The following ALS2 variants were observed in gnomAD, a reference collection of about 807,000 sequenced individuals.
ALS2 encodes the protein alsin.
In ALS2, 117 loss-of-function variants were observed where a neutral mutation model predicts 203.4. The observed-to-expected ratio is 0.58, with a 90% CI of 0.50 to 0.67. The LOEUF (loss-of-function observed/expected upper bound fraction) is 0.67, where lower values mean the gene tolerates loss of function less well. Ranked by LOEUF, ALS2 falls within the 30% of genes least tolerant of loss-of-function variation. ALS2 has a pLI of 0.00. For synonymous variants in ALS2, 718 were observed against 725.9 expected, an observed-to-expected ratio of 0.99 and a Z score of 0.17; for missense variants, 1,715 against 1,989.4, an observed-to-expected ratio of 0.86 and a Z score of 2.62.
intron 3 of ALS2, among the ~76,000 whole-genome samples, chr2:201,764,634 A>AAT (rs1455359706): frequency 1.6e-3 from 229 of 142,250 alleles, no homozygotes; most frequent in Non-Finnish European, 2.8e-3. Flanking sequence ...ACTCCGTCTC[A>AAT]AAATAAATAA....
At chr2:201,747,430 G>C (rs1410663343) in intron 8 of ALS2, among the ~76,000 whole-genome samples, 1 of 151,392 alleles carries the variant, frequency 6.6e-6, no homozygotes, top group Non-Finnish European at 1.5e-5. Flanking sequence ...CTGGGGGAAG[G>C]GGAATGGGGA....
chr2:201,749,804 C>T lies in ALS2; in HGVS notation c.1738-15G>A. 1.2e-6 allele frequency: 2 copies of T among 1,609,540 alleles called. No individual in the cohort carries two copies. Among genetic ancestry groups the T allele is most frequent in the Non-Finnish European group, 8.5e-7 (1 of 1,175,928 alleles). ...CATGAGTAAACCTATCAAAAAAACA[C>T]AGAAAAGTAGCTAAGCGTTGTGAAT... On this transcript the variant is annotated splice_polypyrimidine_tract_variant and intron_variant, in intron 7 of 33. Transcript: ENST00000264276.
At chr2:201,773,220 G>A (rs910559170) in intron 1 of ALS2, among the ~76,000 whole-genome samples, 3 of 152,120 alleles carry the variant, frequency 2.0e-5, no homozygotes, top group African/African-American at 7.2e-5. Context: ...ATTTTATGGT[G>A]AACACTCACG....
chr2:201,733,116 C>T (rs967321555), intron 13 of ALS2, among the ~76,000 whole-genome samples, 160 bp downstream of exon 13: 4 of 152,198 alleles, frequency 2.6e-5, no homozygotes, highest in African/African-American at 9.7e-5. Flanking sequence ...TATCTACAGT[C>T]ATACTTTCCT....
intron 9 of ALS2, among the ~76,000 whole-genome samples, chr2:201,745,532 G>A (rs1036896750): frequency 2.0e-5 from 3 of 152,160 alleles, no homozygotes; most frequent in Admixed American, 6.5e-5. Context: ...GAGAATGTGA[G>A]TTACTTTATG....
At chr2:201,706,559 A>G (rs1266603247) in intron 29 of ALS2, among the ~76,000 whole-genome samples, 1 of 147,962 alleles carries the variant, frequency 6.8e-6, no homozygotes, top group Admixed American at 6.8e-5. Flanking sequence ...ATATATAACT[A>G]TACATAATAT....
In ALS2 at chr2:201,761,231, G is replaced by C. The variant is rs200834043; in HGVS notation, c.763C>G (p.His255Asp). Reference protein sequence around the residue: ...KEDHVIISDSHCCPLGVTLTE... With the variant: ...KEDHVIISDSDCCPLGVTLTE... Reference sequence around the variant, plus strand: ...AGTGTCACACCTAATGGGCAACAATGACTGTCTGATATAATCACATGGTCT... The same window carrying C: ...AGTGTCACACCTAATGGGCAACAATCACTGTCTGATATAATCACATGGTCT... Residue 255 changes from histidine (H) to aspartate (D), a missense_variant, in exon 4 of 34, where the codon CAT becomes GAT. Transcript: ENST00000264276. 3.7e-6 allele frequency: 6 copies of C among 1,614,166 alleles called. No homozygotes were observed. Among genetic ancestry groups the C allele is most frequent in the Non-Finnish European group, 5.1e-6 (6 of 1,180,038 alleles).
At chr2:201,735,930 C>T (rs1691849769) in intron 12 of ALS2, among the ~76,000 whole-genome samples, 1 of 152,160 alleles carries the variant, frequency 6.6e-6, no homozygotes, top group East Asian at 1.9e-4. Flanking sequence ...GCAAAAATAA[C>T]TATTGAATTT....
chr2:201,747,166 AAACT>A (rs557221536), intron 8 of ALS2, among the ~76,000 whole-genome samples: 11 of 152,326 alleles, frequency 7.2e-5, no homozygotes, highest in African/African-American at 2.4e-4. Context: ...AAAAGAAAAC[AAACT>A]AATAAGGCTA....
At chr2:201,767,144 T>G (rs1694130632) in intron 3 of ALS2, 85 bp downstream of exon 3, 1 of 1,509,138 alleles carries the variant, frequency 6.6e-7, no homozygotes, top group Non-Finnish European at 9.2e-7. Context: ...ACCCCTAGTA[T>G]CCAATGACTC....
At chr2:201,769,542 T>C (rs1694276360) in intron 1 of ALS2, among the ~76,000 whole-genome samples, 1 of 152,230 alleles carries the variant, frequency 6.6e-6, no homozygotes, top group African/African-American at 2.4e-5. Flanking sequence ...GAAAGAAGTC[T>C]GAATTTTAAA....
chr2:201,714,994 C>G (rs1235258899), intron 25 of ALS2, among the ~76,000 whole-genome samples: 2 of 152,172 alleles, frequency 1.3e-5, no homozygotes, highest in African/African-American at 2.4e-5. Context: ...CATCTAGGGA[C>G]AGATGGTGGG....
At chr2:201,749,100 C>T (rs576815221) in intron 8 of ALS2, among the ~76,000 whole-genome samples, 1 of 152,048 alleles carries the variant, frequency 6.6e-6, no homozygotes. Flanking sequence ...GGTATTTCCT[C>T]AGGGTGATGA....
intron 29 of ALS2, among the ~76,000 whole-genome samples, chr2:201,706,426 TA>T (rs972377806): frequency 6.7e-6 from 1 of 149,368 alleles, no homozygotes; most frequent in Admixed American, 6.7e-5. Context: ...ACCTTTAACT[TA>T]AAAATTGCAA....
intron 1 of ALS2, among the ~76,000 whole-genome samples, chr2:201,771,550 T>G (rs1406080232): frequency 6.6e-6 from 1 of 152,170 alleles, no homozygotes; most frequent in Non-Finnish European, 1.5e-5. Flanking sequence ...AAGGGTGGTA[T>G]TTACCAACTC....
At chr2:201,715,984 C>T (rs949766613) in intron 24 of ALS2, 145 bp from the exon 25 acceptor site, 3 of 850,872 alleles carry the variant, frequency 3.5e-6, no homozygotes, top group African/African-American at 3.4e-5. Context: ...TTTTAAAACA[C>T]TAAATGAAAA....
At chr2:201,745,118 T>C (rs1456198851) in intron 9 of ALS2, among the ~76,000 whole-genome samples, 1 of 152,246 alleles carries the variant, frequency 6.6e-6, no homozygotes, top group Non-Finnish European at 1.5e-5. Flanking sequence ...ATCAGCCTAT[T>C]TGATCGTCTA....
intron 4 of ALS2, among the ~76,000 whole-genome samples, chr2:201,758,919 T>A (rs114302700): frequency 0.011 from 1,646 of 152,236 alleles, 30 homozygotes; most frequent in Admixed American, 0.037. Context: ...GCTATTTCCA[T>A]GCAAATTAGT....
At chr2:201,757,088 C>G (rs886221244) in intron 5 of ALS2, among the ~76,000 whole-genome samples, 8 of 152,190 alleles carry the variant, frequency 5.3e-5, no homozygotes, top group Non-Finnish European at 1.2e-4. Context: ...CATCTCCAAC[C>G]TCATCGATCT....
Sources: allele counts gnomAD v4.1 joint callset (sites outside exome capture counted in the v4.1 genomes callset), GRCh38; gene constraint gnomAD v4.1.1; transcripts MANE v1.5; gene names NCBI Gene and HGNC (gene_info 2026-07-23, HGNC 2026-07-21).